The following CEP44 variants were observed in gnomAD, a reference collection of about 807,000 sequenced individuals.
CEP44 encodes centrosomal protein 44.
In CEP44, 45 loss-of-function variants were observed where a neutral mutation model predicts 46.7. That is an observed-to-expected ratio of 0.96 (90% CI 0.76 to 1.24). The LOEUF is 1.24. CEP44 is among the 50% of genes most tolerant of loss of function. The probability of loss-of-function intolerance (pLI) is 0.00; values close to 1 mark genes in which losing one functional copy is unlikely to be tolerated. For missense variants in CEP44, 475 were observed against 459.7 expected (o/e 1.03, Z -0.30); for synonymous variants, 142 against 146.0 (o/e 0.97, Z 0.20).
rs1740747226 is a variant in CEP44, at chr4:174,308,801, A to G, written c.620A>G (p.Asn207Ser). 1.2e-6 allele frequency: 2 copies of G among 1,613,228 alleles called. No homozygotes were observed. The highest frequency in any genetic ancestry group is 1.7e-6 in the Non-Finnish European group (2 of 1,179,440). Reference protein sequence around the residue: ...VNEAVDVSDLNATEIKMPEVK... With the variant: ...VNEAVDVSDLSATEIKMPEVK... ...GAAGCAGTTGATGTGTCTGACTTAA[A>G]TGCTACTGAAATAAAGATGCCTGAA... The change falls in exon 7 of 12, where the codon AAT becomes AGT. Residue 207 changes from asparagine to serine, a missense_variant. By Grantham distance (46) the Asn-to-Ser change is conservative (BLOSUM62 1). Transcript: ENST00000503780.
chr4:174,317,978 A>G lies in CEP44; in HGVS notation c.*595A>G, dbSNP rs528558788. ...GTACTGGGAAACAGGCTGGAGGACTATGGTCCTCAAGTTTAGACCAAGAGG... is the reference window on the plus strand; with the variant it reads ...GTACTGGGAAACAGGCTGGAGGACTGTGGTCCTCAAGTTTAGACCAAGAGG... On this transcript the variant is annotated 3_prime_UTR_variant, in exon 12 of 12. Coordinates refer to ENST00000503780, the MANE Select transcript of CEP44 (RefSeq NM_001040157.3). 356 of 985,294 alleles carry G rather than the reference A, an allele frequency of 3.6e-4. No homozygotes were observed. The highest frequency in any genetic ancestry group is 2.3e-3 in the African/African-American group (132 of 57,374). 61.0% of individuals were successfully genotyped at this position (985,294 alleles called of 1,614,324 possible).
intron 1 of CEP44, among the ~76,000 whole-genome samples, chr4:174,292,779 C>T (rs540208011): frequency 3.3e-5 from 5 of 152,040 alleles, no homozygotes; most frequent in African/African-American, 9.6e-5. Flanking sequence ...ATTTTTATTT[C>T]ATTTTCTATC....
At chr4:174,308,645 G>T in intron 6 of CEP44, 44 bp from the exon 7 acceptor site, 2 of 1,546,768 alleles carry the variant, frequency 1.3e-6, no homozygotes. Context: ...ATAATTGTGG[G>T]AGGAAAACAT....
Position 174,319,428 on chromosome 4 carries a change from A to G in CEP44, c.*2045A>G, listed in dbSNP as rs1276967198. 1 of 982,392 alleles carries G rather than the reference A, an allele frequency of 1.0e-6. No individual in the cohort carries two copies. The highest frequency in any genetic ancestry group is 1.7e-5 in the African/African-American group (1 of 57,164). The allele number at this position is 982,392 out of a possible 1,614,324, so 60.9% of individuals were successfully genotyped here. A position where few individuals can be genotyped will look rare whatever the true frequency, so the allele number is the denominator to read the frequency against. On this transcript the variant is annotated 3_prime_UTR_variant, in exon 12 of 12. Transcript: ENST00000503780. Reference sequence around the variant, plus strand: ...AACAAGTGATTTCCCATCAAACAGGATAATATTTTTTCCCTTTTGAAAAAT... The same window carrying G: ...AACAAGTGATTTCCCATCAAACAGGGTAATATTTTTTCCCTTTTGAAAAAT...
intron 1 of CEP44, among the ~76,000 whole-genome samples, chr4:174,293,613 AG>A (rs1738489430): frequency 1.3e-5 from 2 of 152,194 alleles, no homozygotes; most frequent in African/African-American, 4.8e-5. Flanking sequence ...GCCAGTATAT[AG>A]GAAAACATTT....
rs1741402392 is a variant in CEP44, at chr4:174,314,133, C to A, written c.962-2033C>A. Among the ~76,000 whole-genome samples, 1 of 152,042 alleles carries A rather than the reference C, an allele frequency of 6.6e-6. No individual in the cohort carries two copies. Among genetic ancestry groups the A allele is most frequent in the Admixed American group, 6.6e-5 (1 of 15,258 alleles). On this transcript the variant is annotated intron_variant, in intron 9 of 11. Transcript: ENST00000503780. The surrounding 1 kb of genome is among the most constrained non-coding windows in gnomAD (Gnocchi z 4.1). ...TGGGTAGAAGATTTCATGTCCCATA[C>A]CCCCATAATCTTAGAAGTAGAAGAG...
Position 174,304,263 on chromosome 4 carries a change from G to A in CEP44, c.401G>A (p.Arg134Lys). 6.3e-7 allele frequency: 1 copy of A among 1,594,736 alleles called. No homozygotes were observed. The change falls in exon 6 of 12, where the codon AGA (arginine) becomes AAA (lysine). Residue 134 changes from arginine (R) to lysine (K), a missense_variant. Arg to Lys is a conservative substitution (Grantham distance 26, BLOSUM62 2). Coordinates refer to ENST00000503780, the MANE Select transcript of CEP44 (RefSeq NM_001040157.3). ...SSLQKIPSQQ[R>K]KKISSGKSEP... is the part of the protein sequence containing the mutation. Reference sequence around the variant, plus strand: ...TTTTTTTAGATTCCATCACAACAAAGAAAGAAAATCAGTTCTGGTAAGTCA... The same window carrying A: ...TTTTTTTAGATTCCATCACAACAAAAAAAGAAAATCAGTTCTGGTAAGTCA...
At chr4:174,291,787 C>CTTTTTTTTTTTTTTTTTTTTTTTTTTTTT (rs56201469) in intron 1 of CEP44, among the ~76,000 whole-genome samples, 1 of 46,394 alleles carries the variant, frequency 2.2e-5, no homozygotes, top group Non-Finnish European at 3.9e-5. Context: ...TTTTTCTTTT[C>CTTTTTTTTTTTTTTTTTTTTTTTTTTTTT]TTTTTTTTTT....
rs755232870 is a variant in CEP44 at position 174,320,090 on chromosome 4, A to ATCC, written c.*2708_*2709insCCT. The stretch of plus-strand genomic sequence containing the variant: ...GTCAGTTGCTTGTGCTGCCCTGTCT[A>ATCC]TGTTATGCTCTGAATAGGTCTCGGT... On this transcript the variant is annotated 3_prime_UTR_variant, in exon 12 of 12. Coordinates refer to ENST00000503780, the MANE Select transcript of CEP44 (RefSeq NM_001040157.3). 91 of 985,156 alleles carry ATCC rather than the reference A, an allele frequency of 9.2e-5. No homozygotes were observed. The highest frequency in any genetic ancestry group is 1.1e-4 in the Non-Finnish European group (89 of 829,888). 61.0% of individuals were successfully genotyped at this position (985,156 alleles called of 1,614,324 possible).
In CEP44 at chr4:174,299,226, A is replaced by G; in HGVS notation, c.89+16A>G. ...ACTGTGTAGGGTAAGCTATAATATCAAACTTAATTGTATTCTTCTTGCTAG... is the reference window on the plus strand; with the variant it reads ...ACTGTGTAGGGTAAGCTATAATATCGAACTTAATTGTATTCTTCTTGCTAG... On this transcript the variant is annotated intron_variant, in intron 3 of 11. Transcript: ENST00000503780. 1 of 1,581,184 alleles carries G rather than the reference A, an allele frequency of 6.3e-7. No individual in the cohort carries two copies. The highest frequency in any genetic ancestry group is 8.6e-7 in the Non-Finnish European group (1 of 1,158,862).
chr4:174,303,377 A>C (rs774094509), intron 4 of CEP44, among the ~76,000 whole-genome samples: 1 of 152,170 alleles, frequency 6.6e-6, no homozygotes, highest in Non-Finnish European at 1.5e-5. Flanking sequence ...TGACTCTGGT[A>C]TGGTATTCTA....
Position 174,331,469 on chromosome 4 carries a change from G to T in CEP44, c.1087-13G>T. ...ATCATATTTTAATGTATAATTTTGT[G>T]TTTCCTTTCTAGAATTTTCCTGCAT... On this transcript the variant is annotated splice_polypyrimidine_tract_variant and intron_variant, in intron 8 of 8. Coordinates refer to the CEP44 transcript ENST00000426172. This position sits in a 1 kb window ranked among gnomAD's most constrained non-coding sequence, Gnocchi z 4.5. The T allele has an allele frequency of 6.4e-7, 1 of 1,550,920 alleles. No individual in the cohort carries two copies. The highest frequency in any genetic ancestry group is 1.4e-5 in the African/African-American group (1 of 73,126).
At chr4:174,304,390 TATC>T (rs1740138333) in intron 6 of CEP44, 21 bp downstream of exon 6, 6 of 1,600,832 alleles carry the variant, frequency 3.7e-6, no homozygotes, top group Admixed American at 3.6e-5. Flanking sequence ...ACAAAGAAAA[TATC>T]ATATTGTTTA....
intron 6 of CEP44, among the ~76,000 whole-genome samples, chr4:174,306,668 G>T (rs1031646164): frequency 6.6e-6 from 1 of 151,778 alleles, no homozygotes; most frequent in Non-Finnish European, 1.5e-5. Context: ...TTAAAGATTG[G>T]TGTTCCTTTT....
chr4:174,305,390 G>A (rs1378337421), intron 6 of CEP44, among the ~76,000 whole-genome samples: 2 of 152,158 alleles, frequency 1.3e-5, no homozygotes, highest in Non-Finnish European at 1.5e-5. Flanking sequence ...GGAGGCAGAG[G>A]TTCCAGTGAG....
At chr4:174,291,321 A>G (rs1365936426) in intron 1 of CEP44, among the ~76,000 whole-genome samples, 2 of 151,370 alleles carry the variant, frequency 1.3e-5, no homozygotes, top group African/African-American at 2.4e-5. Context: ...TTTGGTTACT[A>G]TGGGGTTTGC....
downstream of CEP44, among the ~76,000 whole-genome samples, chr4:174,321,299 A>G (rs1206522851): frequency 6.6e-6 from 1 of 152,184 alleles, no homozygotes; most frequent in Non-Finnish European, 1.5e-5. Context: ...GCTTTTATCT[A>G]AATATATACA....
chr4:174,319,568 G>A lies in CEP44; in HGVS notation c.*2185G>A, dbSNP rs1396106168. 1 of 802,626 alleles carries A rather than the reference G, an allele frequency of 1.2e-6. No individual in the cohort carries two copies. The allele number at this position is 802,626 out of a possible 1,614,324, so 49.7% of individuals were successfully genotyped here. A position where few individuals can be genotyped will look rare whatever the true frequency, so the allele number is the denominator to read the frequency against. On this transcript the variant is annotated 3_prime_UTR_variant, in exon 12 of 12. Transcript: ENST00000503780. ...ATAGTGCAGATATACACACAGAGAA[G>A]GGACTTAAAACATTTCTAATCTCCT... is the stretch of plus-strand genomic sequence containing the variant.
intron 6 of CEP44, among the ~76,000 whole-genome samples, chr4:174,307,132 CA>C (rs1740501021): frequency 6.6e-6 from 1 of 151,870 alleles, no homozygotes; most frequent in South Asian, 2.1e-4. Flanking sequence ...TATATGAAAC[CA>C]AAAAAGACCC....
Sources: allele counts gnomAD v4.1 joint callset (sites outside exome capture counted in the v4.1 genomes callset), GRCh38; gene constraint gnomAD v4.1.1; non-coding constraint Gnocchi (gnomAD v3.1); transcripts MANE v1.5; gene names NCBI Gene and HGNC (gene_info 2026-07-23, HGNC 2026-07-21).